MYLK2: variants seen among roughly 807,000 people sequenced by gnomAD.
The protein encoded by MYLK2 is myosin light chain kinase 2, skeletal/cardiac muscle.
In MYLK2, 27 loss-of-function variants were observed where a neutral mutation model predicts 58.2. That is an observed-to-expected ratio of 0.46 (90% CI 0.34 to 0.64). The LOEUF (loss-of-function observed/expected upper bound fraction) is 0.64. Ranked by LOEUF, MYLK2 falls within the 30% of genes least tolerant of loss-of-function variation. MYLK2 has a pLI of 0.01. For synonymous variants in MYLK2, 310 were observed against 296.7 expected, an observed-to-expected ratio of 1.04 and a Z score of -0.46; for missense variants, 676 against 764.3, an observed-to-expected ratio of 0.88 and a Z score of 1.36.
Position 31,820,235 on chromosome 20 carries a change from C to G in MYLK2, c.162C>G (p.Ala54=), listed in dbSNP as rs527925331. The G allele has an allele frequency of 6.2e-7, 1 of 1,614,048 alleles. No individual in the cohort carries two copies. Among genetic ancestry groups the G allele is most frequent in the African/African-American group, 1.3e-5 (1 of 75,048 alleles). Residue 54 remains alanine (A), a synonymous_variant, in exon 3 of 13, where the codon GCC becomes GCG. Coordinates refer to ENST00000375985, the MANE Select transcript of MYLK2 (RefSeq NM_033118.4). ...ATCCACCCACCCTGAAGAAAGATGC[C>G]AAAGCCCCTGCCTCAGAGAAAGGGG... The part of the protein sequence containing the change: ...APDPPTLKKD[A]KAPASEKGDG...
In MYLK2 at chr20:31,826,725, G is replaced by A. The variant is rs76530988; in HGVS notation, c.1082+11G>A. ...CCTGTTCATGGAGTAGTGAGTGCCCGAAGTAGTGGTAGGGGCTGGGTGGGG... is the reference window on the plus strand; with the variant it reads ...CCTGTTCATGGAGTAGTGAGTGCCCAAAGTAGTGGTAGGGGCTGGGTGGGG... On this transcript the variant is annotated intron_variant, in intron 7 of 12. Coordinates refer to ENST00000375985, the MANE Select transcript of MYLK2 (RefSeq NM_033118.4). The A allele has an allele frequency of 0.024, 39,499 of 1,614,012 alleles. 608 individuals carry two copies. Among genetic ancestry groups the A allele is most frequent in the Non-Finnish European group, 0.028 (33,169 of 1,179,966 alleles).
chr20:31,827,141 A>G lies in MYLK2; in HGVS notation c.1224+203A>G, dbSNP rs141156624. 9.2e-6 allele frequency: 9 copies of G among 981,422 alleles called. No individual in the cohort carries two copies. The East Asian group carries it at 3.4e-4, about 37-fold the overall frequency. The allele number at this position is 981,422 out of a possible 1,614,324, so 60.8% of individuals were successfully genotyped here. A position where few individuals can be genotyped will look rare whatever the true frequency, so the allele number is the denominator to read the frequency against. ...CACAGCAAAGAGAGAGAGGGGGGGA[A>G]AAAAAAAAGACGTGGTACCAGCTTT... is the stretch of plus-strand genomic sequence containing the variant. On this transcript the variant is annotated intron_variant, in intron 8 of 12. Transcript: ENST00000375985.
intron 8 of MYLK2, chr20:31,827,153 G>A (rs961382986): frequency 2.0e-5 from 20 of 983,298 alleles, no homozygotes; most frequent in Non-Finnish European, 2.4e-5. Context: ...AAAAAAAGAC[G>A]TGGTACCAGC....
rs144129296 is a variant in MYLK2, at chr20:31,830,847, C to T, written c.1253C>T (p.Thr418Ile). 119 of 1,613,866 alleles carry T rather than the reference C, an allele frequency of 7.4e-5. No individual in the cohort carries two copies. The African/African-American group carries it at 1.4e-3, about 20-fold the overall frequency. The part of the protein sequence containing the change: ...KPENILCVNT[T>I]GHLVKIIDFG... ...GAGAACATCCTGTGTGTCAACACCA[C>T]CGGGCATTTGGTGAAGATCATTGAC... Residue 418 changes from threonine (T) to isoleucine (I), a missense_variant, in exon 9 of 13, where the codon ACC becomes ATC. Physicochemically the swap from Thr to Ile is moderately conservative, Grantham distance 89. This residue lies in a region of MYLK2 where 370 missense variants were observed against 467.8 expected (regional missense o/e 0.79). Coordinates refer to ENST00000375985, the MANE Select transcript of MYLK2 (RefSeq NM_033118.4).
At position 31,821,644 on chromosome 20, in the gene MYLK2, G is replaced by C. The variant is rs1247175460; in HGVS notation, c.679G>C (p.Gly227Arg). 1 of 1,614,064 alleles carries C rather than the reference G, an allele frequency of 6.2e-7. No homozygotes were observed. Residue 227 changes from glycine to arginine, a missense_variant, in exon 4 of 13, where the codon GGG becomes CGG. Physicochemically the swap from Gly to Arg is moderately radical, Grantham distance 125. Transcript: ENST00000375985. ...TAAGATGCAAGGGGACACCTCGAGG[G>C]GGATTGAGTTCCAGGCTGTTCCCTC... is the stretch of plus-strand genomic sequence containing the variant. ...QAKMQGDTSR[G>R]IEFQAVPSEK...
chr20:31,823,888 G>T, intron 5 of MYLK2: 1 of 959,868 alleles, frequency 1.0e-6, no homozygotes. Flanking sequence ...TTCCTGCTTT[G>T]TAAAAAGCCC....
At chr20:31,824,572 G>A in intron 6 of MYLK2, 3 of 985,352 alleles carry the variant, frequency 3.0e-6, no homozygotes, top group Non-Finnish European at 3.6e-6. Flanking sequence ...GAACTTATCT[G>A]GGGACTTCCC....
intron 11 of MYLK2, 47 bp from the exon 12 acceptor site, chr20:31,831,957 G>A (rs749617119): frequency 1.2e-6 from 2 of 1,612,590 alleles, no homozygotes; most frequent in African/African-American, 2.7e-5. Context: ...AGCCCCTGGG[G>A]CCTCACGAGC....
chr20:31,823,984 T>A (rs2062265583), intron 5 of MYLK2: 5 of 984,268 alleles, frequency 5.1e-6, no homozygotes, highest in Non-Finnish European at 6.0e-6. Flanking sequence ...CCTAAACCTC[T>A]AAGGGTCGCA....
chr20:31,828,139 C>T (rs2062289587), intron 8 of MYLK2: 3 of 975,272 alleles, frequency 3.1e-6, no homozygotes, highest in South Asian at 9.5e-5. Context: ...CTGCCTGCCT[C>T]AGCCTCCCAA....
At chr20:31,830,923 G>A in intron 9 of MYLK2, 34 bp downstream of exon 9, 1 of 1,589,804 alleles carries the variant, frequency 6.3e-7, no homozygotes. Flanking sequence ...GGCAAGACAA[G>A]CCTCTGAGTT....
rs932769666 is a variant in MYLK2, at chr20:31,833,355, G to A, written c.1711-362G>A. On this transcript the variant is annotated intron_variant, in intron 12 of 12. Transcript: ENST00000375985. ...AGTTTGAGGAACAGGTAGGAGGCCA[G>A]TATGGATGGAGTGGAGTGAGCAAGG... Among the ~76,000 whole-genome samples the A allele has an allele frequency of 2.0e-5, 3 of 152,302 alleles. No homozygotes were observed. The East Asian group carries it at 5.8e-4, about 29-fold the overall frequency.
rs1398022559 is a variant in MYLK2, at chr20:31,821,168, CAA to C, written c.474-270_474-269del. ...TTATATCACAACAGATTTTATGAATCAAGAGCTACATAACTCCCTAGTTGTAT... is the reference window on the plus strand; with the variant it reads ...TTATATCACAACAGATTTTATGAATCGAGCTACATAACTCCCTAGTTGTAT... On this transcript the variant is annotated intron_variant, in intron 3 of 12. Coordinates refer to ENST00000375985, the MANE Select transcript of MYLK2 (RefSeq NM_033118.4). 3.3e-5 allele frequency among the ~76,000 whole-genome samples: 5 copies of C among 152,308 alleles called. No homozygotes were observed. In the East Asian group the frequency reaches 9.6e-4, roughly 29 times the overall value.
intron 4 of MYLK2, 39 bp downstream of exon 4, chr20:31,821,776 G>T: frequency 6.6e-7 from 1 of 1,526,252 alleles, no homozygotes; most frequent in Non-Finnish European, 8.9e-7. Flanking sequence ...CTGCCCTGGG[G>T]CCAGGGGGAG....
chr20:31,820,775 A>G (rs1014355601), intron 3 of MYLK2, among the ~76,000 whole-genome samples: 1 of 152,166 alleles, frequency 6.6e-6, no homozygotes, highest in African/African-American at 2.4e-5. Context: ...ACCCTCAAAG[A>G]CTGCCTAGGT....
intron 4 of MYLK2, among the ~76,000 whole-genome samples, chr20:31,821,985 C>T (rs6089086): frequency 6.6e-6 from 1 of 152,218 alleles, no homozygotes; most frequent in Non-Finnish European, 1.5e-5. Flanking sequence ...AACTCCCAGC[C>T]TCAAGTGATC....
rs117502839 is a variant in MYLK2 at position 31,819,584 on chromosome 20, G to T, written c.4G>T (p.Ala2Ser). The change falls in exon 2 of 13, where the codon GCG becomes TCG. Residue 2 changes from alanine (A) to serine (S), a missense_variant. Around this residue, in one of 2 missense-constraint regions of MYLK2, gnomAD observed 306 missense variants for 296.5 expected, o/e 1.03. Coordinates refer to ENST00000375985, the MANE Select transcript of MYLK2 (RefSeq NM_033118.4). ...GCAGCACACGCCTCCCTACCTCATG[G>T]CGACAGAAAATGGAGCAGTTGAGCT... M[A>S]TENGAVELGI... The T allele has an allele frequency of 6.4e-7, 1 of 1,551,568 alleles. No individual in the cohort carries two copies. The highest frequency in any genetic ancestry group is 2.4e-5 in the East Asian group (1 of 40,928).
intron 8 of MYLK2, chr20:31,828,621 G>A: frequency 1.0e-6 from 1 of 985,402 alleles, no homozygotes; most frequent in Non-Finnish European, 1.2e-6. Flanking sequence ...GAAAATACAC[G>A]AGAGTAATGC....
chr20:31,831,823 C>T lies in MYLK2; in HGVS notation c.1545C>T (p.Asp515=). ...TFEAVSDEAK[D]FVSNLIVKDQ... Reference sequence around the variant, plus strand: ...AGGCCGTATCAGACGAGGCCAAAGACTTTGTCTCCAACCTCATCGTCAAGG... The same window carrying T: ...AGGCCGTATCAGACGAGGCCAAAGATTTTGTCTCCAACCTCATCGTCAAGG... The change falls in exon 11 of 13, where the codon GAC becomes GAT. Residue 515 remains aspartate (D), a synonymous_variant. Transcript: ENST00000375985. The T allele has an allele frequency of 6.2e-7, 1 of 1,614,194 alleles. No homozygotes were observed. The highest frequency in any genetic ancestry group is 8.5e-7 in the Non-Finnish European group (1 of 1,180,026).
Sources: allele counts gnomAD v4.1 joint callset (sites outside exome capture counted in the v4.1 genomes callset), GRCh38; gene constraint gnomAD v4.1.1; regional missense constraint gnomAD v4.1.1; transcripts MANE v1.5; gene names NCBI Gene and HGNC (gene_info 2026-07-23, HGNC 2026-07-21).